PCDHA4: variants seen among roughly 807,000 people sequenced by gnomAD.
PCDHA4 encodes protocadherin alpha-4.
PCDHA4 carries 49 observed loss-of-function variants against 61.4 expected under a neutral mutation model. The observed-to-expected ratio is 0.80, with a 90% CI of 0.63 to 1.01. The LOEUF is 1.01. Ranked by LOEUF, PCDHA4 falls within the 50% of genes least tolerant of loss-of-function variation. The pLI is 0.00. For missense variants in PCDHA4, 1,254 were observed against 1,235.8 expected (o/e 1.01, Z -0.22); for synonymous variants, 590 against 550.3 (o/e 1.07, Z -1.01).
intron 1 of PCDHA4, among the ~76,000 whole-genome samples, chr5:140,923,645 C>T (rs939799750): frequency 1.1e-4 from 17 of 152,126 alleles, no homozygotes; most frequent in African/African-American, 4.1e-4. Context: ...AATCTTTAGC[C>T]TCCCTTATCT....
At chr5:140,919,262 G>A (rs1482345606) in intron 1 of PCDHA4, among the ~76,000 whole-genome samples, 2 of 152,142 alleles carry the variant, frequency 1.3e-5, no homozygotes, top group African/African-American at 4.8e-5. Context: ...TCTGATATTA[G>A]TGTAGTCACT....
Position 140,808,652 on chromosome 5 carries a change from C to A in PCDHA4, c.1465C>A (p.Leu489Met). ...GGACGCGGACGCGCAGGAGAACGCG[C>A]TGGTGTCCTACTCGCTGGTAGAGCG... Reference protein sequence around the residue: ...AWDADAQENALVSYSLVERRV... With the variant: ...AWDADAQENAMVSYSLVERRV... Residue 489 changes from leucine (L) to methionine (M), a missense_variant, in exon 1 of 4, where the codon CTG (leucine) becomes ATG (methionine). Coordinates refer to ENST00000530339, the MANE Select transcript of PCDHA4 (RefSeq NM_018907.4). 1 of 1,613,260 alleles carries A rather than the reference C, an allele frequency of 6.2e-7. No individual in the cohort carries two copies. The highest frequency in any genetic ancestry group is 8.5e-7 in the Non-Finnish European group (1 of 1,179,866).
At chr5:140,870,001 G>T in intron 1 of PCDHA4, 34 of 1,613,566 alleles carry the variant, frequency 2.1e-5, no homozygotes, top group Non-Finnish European at 2.9e-5. Context: ...AAATAATGGA[G>T]AAGTGAGGGT....
chr5:140,929,077 A>C, intron 1 of PCDHA4: 1 of 1,614,168 alleles, frequency 6.2e-7, no homozygotes, highest in Non-Finnish European at 8.5e-7. Flanking sequence ...GAGGTATGGA[A>C]GTAAGATGGT....
chr5:140,870,339 G>A (rs1554164098), intron 1 of PCDHA4: 1 of 1,614,064 alleles, frequency 6.2e-7, no homozygotes, highest in East Asian at 2.2e-5. Context: ...ACAGCGCCCT[G>A]GACCGCGAGA....
At position 140,892,638 on chromosome 5, in the gene PCDHA4, T is replaced by C. The variant is rs151070567; in HGVS notation, c.2385+83066T>C. Among the ~76,000 whole-genome samples the C allele has an allele frequency of 1.2e-4, 19 of 152,324 alleles. No homozygotes were observed. The East Asian group carries it at 2.5e-3, about 20-fold the overall frequency. ...CCAGTTGGTACATAATAATTGTACA[T>C]ATTTATAGGATACAGAGTGACATTT... is the stretch of plus-strand genomic sequence containing the variant. On this transcript the variant is annotated intron_variant, in intron 1 of 3. Transcript: ENST00000530339.
chr5:140,926,766 C>A (rs950499262), intron 1 of PCDHA4: 34 of 1,343,396 alleles, frequency 2.5e-5, no homozygotes, highest in Non-Finnish European at 3.3e-5. Context: ...GAGTATCCAG[C>A]CCGCAGCAGT....
chr5:140,846,510 G>A (rs1179802495), intron 1 of PCDHA4, among the ~76,000 whole-genome samples: 11 of 147,866 alleles, frequency 7.4e-5, no homozygotes, highest in African/African-American at 2.7e-4. Flanking sequence ...AAGTAGCTGG[G>A]ATTACAGGTG....
At chr5:141,006,033 G>A (rs1162099125) in intron 3 of PCDHA4, among the ~76,000 whole-genome samples, 1 of 151,252 alleles carries the variant, frequency 6.6e-6, no homozygotes, top group Non-Finnish European at 1.5e-5. Context: ...TAGTAAGAGG[G>A]AGATTTGTAG....
At chr5:140,920,889 T>G (rs1488579126) in intron 1 of PCDHA4, among the ~76,000 whole-genome samples, 2 of 150,044 alleles carry the variant, frequency 1.3e-5, no homozygotes, top group African/African-American at 4.9e-5. Context: ...GAACTTAAAG[T>G]CATATTTTGG....
At chr5:141,000,376 T>C (rs2097906883) in intron 3 of PCDHA4, among the ~76,000 whole-genome samples, 1 of 58,410 alleles carries the variant, frequency 1.7e-5, no homozygotes, top group Non-Finnish European at 3.2e-5. Flanking sequence ...TCTCTCTCTC[T>C]CTCTCTCTCT....
intron 1 of PCDHA4, among the ~76,000 whole-genome samples, chr5:140,947,681 C>T (rs976876831): frequency 3.3e-5 from 5 of 151,572 alleles, no homozygotes; most frequent in Non-Finnish European, 5.9e-5. Context: ...AAAAAATTGT[C>T]TCAGCATGTT....
intron 1 of PCDHA4, chr5:140,834,481 A>C (rs2150219318): frequency 6.2e-7 from 1 of 1,614,090 alleles, no homozygotes; most frequent in East Asian, 2.2e-5. Context: ...CAGCTCCACT[A>C]CTCGGTCCCC....
intron 1 of PCDHA4, chr5:140,930,423 A>C (rs1366004853): frequency 6.6e-6 from 1 of 151,862 alleles, no homozygotes; most frequent in Non-Finnish European, 1.5e-5. Flanking sequence ...GGGTCTCACT[A>C]TGTTGCCCAG....
At chr5:140,821,748 G>C (rs2150110401) in intron 1 of PCDHA4, 1 of 1,571,216 alleles carries the variant, frequency 6.4e-7, no homozygotes, top group Non-Finnish European at 8.6e-7. Context: ...TGATGCAATA[G>C]AAAGCTCATA....
At chr5:140,936,869 A>C (rs1249048598) in intron 1 of PCDHA4, among the ~76,000 whole-genome samples, 3 of 152,168 alleles carry the variant, frequency 2.0e-5, no homozygotes, top group Non-Finnish European at 4.4e-5. Context: ...TTCTATTTTA[A>C]AAAACCCTGC....
At chr5:140,821,838 C>T in intron 1 of PCDHA4, 1 of 1,614,194 alleles carries the variant, frequency 6.2e-7, no homozygotes, top group South Asian at 1.1e-5. Flanking sequence ...TTCTCCTTGC[C>T]TACTGGAAGG....
Position 140,841,426 on chromosome 5 carries a change from C to A in PCDHA4, c.2385+31854C>A, listed in dbSNP as rs17844313. 720 of 1,612,904 alleles carry A rather than the reference C, an allele frequency of 4.5e-4. 14 individuals are homozygous for A. The East Asian group carries it at 5.0e-3, about 11-fold the overall frequency. ...GGAGCGGCCAGCTCCACTACTCCGT[C>A]CCCGAGGAGGCCAAACACGGCACCT... On this transcript the variant is annotated intron_variant, in intron 1 of 3. Coordinates refer to ENST00000530339, the MANE Select transcript of PCDHA4 (RefSeq NM_018907.4).
chr5:140,824,083 G>C (rs2150132035), intron 1 of PCDHA4: 7 of 1,614,188 alleles, frequency 4.3e-6, no homozygotes, highest in Non-Finnish European at 5.9e-6. Context: ...AGACCTCATG[G>C]CCTTCAGTCC....
Sources: gnomAD v4.1 joint callset for allele counts (sites outside exome capture counted in the v4.1 genomes callset) on GRCh38, gnomAD v4.1.1 for gene constraint, MANE v1.5 for transcripts, NCBI Gene and HGNC (gene_info 2026-07-23, HGNC 2026-07-21) for gene names.